The following MBNL2 variants were observed in gnomAD, a reference collection of about 807,000 sequenced individuals.
The protein encoded by MBNL2 is muscleblind like splicing regulator 2.
Under a neutral mutation model 41.9 loss-of-function variants are expected in MBNL2, and 17 were observed. The ratio of observed to expected loss-of-function variants is 0.41; its 90% CI spans 0.28 to 0.61. The LOEUF (loss-of-function observed/expected upper bound fraction) is 0.61, where lower values mean the gene tolerates loss of function less well. Among genes scored for constraint, MBNL2 ranks in the 20% least tolerant of loss-of-function variants. MBNL2 has a pLI of 0.35. For missense variants in MBNL2, 336 were observed against 505.6 expected, an observed-to-expected ratio of 0.66 and a Z score of 3.22; for synonymous variants, 195 against 182.9, an observed-to-expected ratio of 1.07 and a Z score of -0.53.
At chr13:97,360,678 C>T (rs144151348) in intron 7 of MBNL2, among the ~76,000 whole-genome samples, 16 of 152,272 alleles carry the variant, frequency 1.1e-4, no homozygotes, top group African/African-American at 2.9e-4. Flanking sequence ...GTGTCTACAC[C>T]GCAAAGTGGA....
intron 1 of MBNL2, among the ~76,000 whole-genome samples, chr13:97,266,685 T>C (rs1156373620): frequency 2.0e-5 from 3 of 152,236 alleles, no homozygotes; most frequent in Admixed American, 1.3e-4. Context: ...CGCTCCAACA[T>C]TGAGCCACTC....
At chr13:97,271,112 G>GT (rs369155404) in intron 1 of MBNL2, among the ~76,000 whole-genome samples, 5,342 of 133,146 alleles carry the variant, frequency 0.04, 201 homozygotes, top group African/African-American at 0.1. Flanking sequence ...GCTCTTTTTT[G>GT]TTTTTTTTTT....
At chr13:97,202,121 T>C in the MBNL2 span, among the ~76,000 whole-genome samples, 8 of 152,240 alleles carry the variant, frequency 5.3e-5, no homozygotes, top group African/African-American at 1.9e-4. Flanking sequence ...AAATACATAT[T>C]GAAATGTTTG....
At chr13:97,236,278 G>C (rs953056724) in intron 1 of MBNL2, among the ~76,000 whole-genome samples, 1 of 152,120 alleles carries the variant, frequency 6.6e-6, no homozygotes, top group Non-Finnish European at 1.5e-5. Flanking sequence ...TGCAAGAAAA[G>C]GTTTCTCTCA....
chr13:97,232,878 T>C (rs2042582284), intron 1 of MBNL2, among the ~76,000 whole-genome samples: 1 of 149,548 alleles, frequency 6.7e-6, no homozygotes, highest in Non-Finnish European at 1.5e-5. Flanking sequence ...TGTGTGTGTG[T>C]GTGTGTGTGT....
Position 97,268,400 on chromosome 13 carries a change from C to T in MBNL2, c.-604-7232C>T, listed in dbSNP as rs182358905. Among the ~76,000 whole-genome samples the T allele has an allele frequency of 2.2e-3, 339 of 152,274 alleles. 1 individual carries two copies. The highest frequency in any genetic ancestry group is 7.2e-3 in the African/African-American group (301 of 41,562). On this transcript the variant is annotated intron_variant, in intron 1 of 8. Transcript: ENST00000679496. This position sits in a 1 kb window ranked among gnomAD's most constrained non-coding sequence, Gnocchi z 4.6. ...ACAGGTGTGAGCCACTGCGCCGGGC[C>T]GAGAGTGTGCATTCCTAACAAGATC...
intron 7 of MBNL2, among the ~76,000 whole-genome samples, chr13:97,361,320 G>A (rs2063374543): frequency 6.6e-6 from 1 of 152,190 alleles, no homozygotes; most frequent in Admixed American, 6.5e-5. Context: ...AAGCATCCCA[G>A]TTGGGACATG....
the MBNL2 span, among the ~76,000 whole-genome samples, chr13:97,202,391 C>T: frequency 5.9e-5 from 9 of 152,170 alleles, no homozygotes; most frequent in Non-Finnish European, 1.0e-4. Context: ...ATTTGAATTT[C>T]GGATCTGCCA....
chr13:97,248,607 C>CCCTA (rs2045939041), intron 1 of MBNL2, among the ~76,000 whole-genome samples: 1 of 152,092 alleles, frequency 6.6e-6, no homozygotes, highest in East Asian at 1.9e-4. Context: ...AGGGACAAAG[C>CCCTA]CCTAGCGTAA....
rs577370022 is a variant in MBNL2, at chr13:97,224,197, A to G, written c.-605+1666A>G. 3.9e-5 allele frequency among the ~76,000 whole-genome samples: 6 copies of G among 152,252 alleles called. No individual in the cohort carries two copies. In the South Asian group the frequency reaches 1.2e-3, roughly 32 times the overall value. ...CAGCCCAGCGCTGCCACCTGGGTGG[A>G]TGGTCCCCGGGGCCCTATTCCCAGT... is the stretch of plus-strand genomic sequence containing the variant. On this transcript the variant is annotated intron_variant, in intron 1 of 8. Transcript: ENST00000679496.
At chr13:97,166,676 G>C in the MBNL2 span, among the ~76,000 whole-genome samples, 1 of 152,062 alleles carries the variant, frequency 6.6e-6, no homozygotes, top group Non-Finnish European at 1.5e-5. Context: ...CAAACTTCAA[G>C]TTCTTTAGTT....
At chr13:97,227,175 G>A (rs2041767974) in intron 1 of MBNL2, among the ~76,000 whole-genome samples, 1 of 152,174 alleles carries the variant, frequency 6.6e-6, no homozygotes, top group African/African-American at 2.4e-5. Context: ...CAAGCTGCGA[G>A]GTTCAGGGAC....
intron 2 of MBNL2, among the ~76,000 whole-genome samples, chr13:97,321,742 A>T (rs1256177094): frequency 6.6e-6 from 1 of 152,202 alleles, no homozygotes; most frequent in East Asian, 1.9e-4. Context: ...TTAAGGTGTG[A>T]TATAGAAGTT....
At chr13:97,166,518 T>G in the MBNL2 span, among the ~76,000 whole-genome samples, 1 of 152,072 alleles carries the variant, frequency 6.6e-6, no homozygotes, top group African/African-American at 2.4e-5. Context: ...GAAAGGCAGA[T>G]TCACCCTTAA....
At chr13:97,350,145 T>G (rs182692773) in intron 5 of MBNL2, among the ~76,000 whole-genome samples, 26 of 152,288 alleles carry the variant, frequency 1.7e-4, no homozygotes, top group African/African-American at 6.0e-4. Context: ...TCACATGAAT[T>G]TTTTGGTTTC....
the MBNL2 span, among the ~76,000 whole-genome samples, chr13:97,212,279 G>T: frequency 6.6e-6 from 1 of 152,040 alleles, no homozygotes; most frequent in Non-Finnish European, 1.5e-5. Flanking sequence ...CTTCTCCAGA[G>T]ATTTCTATTC....
chr13:97,251,164 T>C (rs2152839966), intron 1 of MBNL2, among the ~76,000 whole-genome samples: 1 of 150,082 alleles, frequency 6.7e-6, no homozygotes, highest in African/African-American at 2.5e-5. Flanking sequence ...AATATGGTAA[T>C]GTAGAATGCG....
chr13:97,191,235 T>C, the MBNL2 span, among the ~76,000 whole-genome samples: 11 of 151,644 alleles, frequency 7.3e-5, no homozygotes, highest in Non-Finnish European at 1.3e-4. Context: ...GACTGCGCCC[T>C]GGGAAGGGTG....
At chr13:97,214,576 G>T in the MBNL2 span, among the ~76,000 whole-genome samples, 7 of 152,150 alleles carry the variant, frequency 4.6e-5, no homozygotes, top group Admixed American at 4.6e-4. Flanking sequence ...TGTTCAGCCT[G>T]GCCCCTCAGT....
Sources: gnomAD v4.1 joint callset for allele counts (sites outside exome capture counted in the v4.1 genomes callset) on GRCh38, gnomAD v4.1.1 for gene constraint, Gnocchi (gnomAD v3.1) non-coding constraint, MANE v1.5 for transcripts, NCBI Gene and HGNC (gene_info 2026-07-23, HGNC 2026-07-21) for gene names.